Variants in SPECC1 observed in about 807,000 individuals in gnomAD.
SPECC1 encodes cytospin-B.
In SPECC1, 62 loss-of-function variants were observed where a neutral mutation model predicts 104.1. The observed-to-expected ratio is 0.60, with a 90% CI of 0.49 to 0.74. The LOEUF (loss-of-function observed/expected upper bound fraction) is 0.74, where lower values mean the gene tolerates loss of function less well. SPECC1 is among the 30% of genes least tolerant of loss of function. The pLI, the probability that SPECC1 is intolerant of heterozygous loss-of-function variation, is 0.00. For synonymous variants in SPECC1, 513 were observed against 501.6 expected (o/e 1.02, Z -0.30); for missense variants, 1,306 against 1,310.5 (o/e 1.00, Z 0.05).
intron 3 of SPECC1, among the ~76,000 whole-genome samples, chr17:20,171,118 C>T (rs1432221251): frequency 6.6e-6 from 1 of 152,166 alleles, no homozygotes; most frequent in Admixed American, 6.5e-5. Context: ...TTTGCTCTCC[C>T]CTCAGTCGTA....
chr17:20,174,587 C>T (rs1452570854), intron 3 of SPECC1, among the ~76,000 whole-genome samples: 1 of 143,048 alleles, frequency 7.0e-6, no homozygotes, highest in African/African-American at 2.5e-5. Flanking sequence ...AAATGGAGAC[C>T]AGGTGGTCAC....
At chr17:20,139,873 G>A (rs1446710997) in intron 3 of SPECC1, among the ~76,000 whole-genome samples, 3 of 151,934 alleles carry the variant, frequency 2.0e-5, no homozygotes, top group East Asian at 1.9e-4. Context: ...ACGGGGTTTC[G>A]CTATGTTGGC....
chr17:20,108,695 C>T (rs1470998299), intron 2 of SPECC1, among the ~76,000 whole-genome samples: 2 of 152,154 alleles, frequency 1.3e-5, no homozygotes, highest in East Asian at 3.8e-4. Flanking sequence ...GTTCTCATTG[C>T]ATTTATCCTC....
chr17:20,109,591 C>T (rs1197989157), intron 2 of SPECC1, among the ~76,000 whole-genome samples: 1 of 152,208 alleles, frequency 6.6e-6, no homozygotes, highest in Non-Finnish European at 1.5e-5. Flanking sequence ...CTGCTTTCTT[C>T]TGTCTTCCAG....
chr17:20,252,177 T>C (rs1268271705), intron 9 of SPECC1, among the ~76,000 whole-genome samples: 1 of 152,140 alleles, frequency 6.6e-6, no homozygotes, highest in Non-Finnish European at 1.5e-5. Context: ...GTAAAAAAAA[T>C]ACACCATGAA....
intron 2 of SPECC1, among the ~76,000 whole-genome samples, chr17:20,099,648 G>T (rs4924806): frequency 0.5 from 71,387 of 141,404 alleles, 18,274 homozygotes; most frequent in Middle Eastern, 0.62. Flanking sequence ...TCAGCCAAGA[G>T]CGCACCACTG....
At chr17:20,171,600 A>G (rs938990524) in intron 3 of SPECC1, among the ~76,000 whole-genome samples, 1 of 151,538 alleles carries the variant, frequency 6.6e-6, no homozygotes, top group African/African-American at 2.4e-5. Context: ...CAGGCTGGAG[A>G]GCAGTGGTGC....
At chr17:20,031,085 C>T (rs2044789940) in intron 1 of SPECC1, among the ~76,000 whole-genome samples, 1 of 152,110 alleles carries the variant, frequency 6.6e-6, no homozygotes, top group Admixed American at 6.5e-5. Context: ...ATCTCTGCCT[C>T]CTGGGTTCAA....
chr17:20,139,757 C>T (rs2030527763), intron 3 of SPECC1, among the ~76,000 whole-genome samples: 2 of 152,164 alleles, frequency 1.3e-5, no homozygotes, highest in Non-Finnish European at 2.9e-5. Context: ...TCACTGCAAC[C>T]TCCGCCTCCC....
intron 3 of SPECC1, among the ~76,000 whole-genome samples, chr17:20,200,747 G>C (rs143421283): frequency 6.6e-6 from 1 of 152,314 alleles, no homozygotes; most frequent in East Asian, 1.9e-4. Context: ...GGGCTCACAT[G>C]GTGGGTGCAC....
chr17:20,260,113 T>G, intron 11 of SPECC1, 79 bp from the exon 12 acceptor site: 1 of 1,137,538 alleles, frequency 8.8e-7, no homozygotes, highest in Non-Finnish European at 1.2e-6. Flanking sequence ...TTTTCTAAAG[T>G]AGGTATTTAT....
At chr17:20,273,645 C>A (rs1272471239) in intron 12 of SPECC1, among the ~76,000 whole-genome samples, 2 of 152,146 alleles carry the variant, frequency 1.3e-5, no homozygotes, top group African/African-American at 4.8e-5. Flanking sequence ...AGATCTCCAA[C>A]CCATTCTTCC....
chr17:20,224,216 T>C (rs1324960927), intron 4 of SPECC1, among the ~76,000 whole-genome samples: 1 of 152,224 alleles, frequency 6.6e-6, no homozygotes, highest in East Asian at 1.9e-4. Context: ...TCTCTCTTCA[T>C]GCTGAGCTGC....
In SPECC1 at chr17:20,249,514, G is replaced by A. The variant is rs553150457; in HGVS notation, c.2598+2195G>A. Among the ~76,000 whole-genome samples, 4 of 152,188 alleles carry A rather than the reference G, an allele frequency of 2.6e-5. No homozygotes were observed. The South Asian group carries it at 6.2e-4, about 24-fold the overall frequency. ...AAAAATAGACAATAGAAACAGACAC[G>A]GAAGATTCAGATATTGATATTATTA... is the stretch of plus-strand genomic sequence containing the variant. On this transcript the variant is annotated intron_variant, in intron 9 of 14. Coordinates refer to ENST00000395527, the MANE Select transcript of SPECC1 (RefSeq NM_001243439.2).
At chr17:20,262,748 A>T (rs1295198386) in intron 12 of SPECC1, among the ~76,000 whole-genome samples, 1 of 152,214 alleles carries the variant, frequency 6.6e-6, no homozygotes, top group Non-Finnish European at 1.5e-5. Flanking sequence ...GCCAAGATCC[A>T]TCCCAGATAG....
intron 1 of SPECC1, among the ~76,000 whole-genome samples, chr17:20,028,693 C>G (rs766904090): frequency 6.1e-4 from 92 of 151,608 alleles, no homozygotes; most frequent in South Asian, 1.2e-3. Flanking sequence ...TGGCTATTCT[C>G]AAGGTCTTGC....
At chr17:20,072,596 A>G (rs1315882972) in intron 1 of SPECC1, among the ~76,000 whole-genome samples, 1 of 152,156 alleles carries the variant, frequency 6.6e-6, no homozygotes. Context: ...GTGCCAGGCC[A>G]GGCCGGCTCT....
chr17:20,110,551 G>A lies in SPECC1; in HGVS notation c.272G>A (p.Arg91Lys). 6.2e-7 allele frequency: 1 copy of A among 1,613,228 alleles called. No individual in the cohort carries two copies. The highest frequency in any genetic ancestry group is 1.1e-5 in the South Asian group (1 of 90,996). Residue 91 changes from arginine (R) to lysine (K), a missense_variant, in exon 3 of 15, where the codon AGG (arginine) becomes AAG (lysine). Around this residue, in one of 2 missense-constraint regions of SPECC1, gnomAD observed 1,177 missense variants for 1,139.9 expected, o/e 1.03. Transcript: ENST00000395527. Reference sequence around the variant, plus strand: ...TCGGAGCTCACGGAGAGCCGCCTGAGGAGCGGCACAGGTAGGAGGGACCGG... The same window carrying A: ...TCGGAGCTCACGGAGAGCCGCCTGAAGAGCGGCACAGGTAGGAGGGACCGG... ...AISELTESRL[R>K]SGTGAFTTTK...
At chr17:20,124,928 C>G (rs1176860284) in intron 3 of SPECC1, among the ~76,000 whole-genome samples, 3 of 152,162 alleles carry the variant, frequency 2.0e-5, no homozygotes, top group Non-Finnish European at 4.4e-5. Context: ...TGCCTGTAAT[C>G]CCAGCACTTT....
Sources: allele counts gnomAD v4.1 joint callset (sites outside exome capture counted in the v4.1 genomes callset), GRCh38; gene constraint gnomAD v4.1.1; regional missense constraint gnomAD v4.1.1; transcripts MANE v1.5; gene names NCBI Gene and HGNC (gene_info 2026-07-23, HGNC 2026-07-21).